The following LRMDA variants were observed in gnomAD, a reference collection of about 807,000 sequenced individuals.
LRMDA encodes leucine-rich melanocyte differentiation-associated protein.
In LRMDA, 18 loss-of-function variants were observed where a neutral mutation model predicts 29.8. That is an observed-to-expected ratio of 0.60 (90% CI 0.42 to 0.90). The LOEUF is 0.90. LRMDA is among the 40% of genes least tolerant of loss of function. The probability of loss-of-function intolerance (pLI) is 0.00; values close to 1 mark genes in which losing one functional copy is unlikely to be tolerated. For missense variants in LRMDA, 273 were observed against 273.9 expected (o/e 1.00, Z 0.02); for synonymous variants, 125 against 109.4 (o/e 1.14, Z -0.89).
chr10:76,290,201 T>C (rs777797241), intron 5 of LRMDA, among the ~76,000 whole-genome samples: 6 of 152,130 alleles, frequency 3.9e-5, no homozygotes, highest in Non-Finnish European at 8.8e-5. Flanking sequence ...TAATGGGCCT[T>C]ATCCTTCAGG....
intron 5 of LRMDA, among the ~76,000 whole-genome samples, chr10:76,158,244 A>G (rs1850578265): frequency 6.6e-6 from 1 of 152,076 alleles, no homozygotes; most frequent in East Asian, 1.9e-4. Context: ...ACCTGCATTT[A>G]TTCTCTTTTC....
chr10:75,517,576 C>T (rs753383462), intron 2 of LRMDA, among the ~76,000 whole-genome samples: 72 of 152,284 alleles, frequency 4.7e-4, no homozygotes, highest in Non-Finnish European at 8.4e-4. Context: ...GCTGAAGTTG[C>T]TTCTCAGCTT....
chr10:75,670,974 T>A (rs541114456), intron 2 of LRMDA, among the ~76,000 whole-genome samples: 1 of 152,248 alleles, frequency 6.6e-6, no homozygotes, highest in East Asian at 1.9e-4. Flanking sequence ...GGAGCTAGAA[T>A]TTGATTCAAA....
At chr10:75,730,202 A>G (rs1842679408) in intron 2 of LRMDA, among the ~76,000 whole-genome samples, 1 of 152,022 alleles carries the variant, frequency 6.6e-6, no homozygotes, top group African/African-American at 2.4e-5. Context: ...AAGCACTGTG[A>G]CCATTCTTGT....
chr10:75,857,780 A>G (rs1273409125), intron 2 of LRMDA, among the ~76,000 whole-genome samples: 3 of 152,202 alleles, frequency 2.0e-5, no homozygotes, highest in East Asian at 1.9e-4. Context: ...GCTGAACACT[A>G]TCCTGGGGTA....
intron 6 of LRMDA, among the ~76,000 whole-genome samples, chr10:76,381,021 C>CTTTTTTT (rs538112084): frequency 2.5e-4 from 24 of 96,910 alleles, no homozygotes; most frequent in East Asian, 1.2e-3. Context: ...TTTATCTTTG[C>CTTTTTTT]TTTTTTTTTT....
chr10:75,532,527 G>A (rs969208346), intron 2 of LRMDA, among the ~76,000 whole-genome samples: 3 of 152,204 alleles, frequency 2.0e-5, no homozygotes, highest in African/African-American at 7.2e-5. Flanking sequence ...CTAGGGGCTG[G>A]AGGTGTATTC....
At chr10:76,514,036 C>T (rs1843035661) in intron 6 of LRMDA, among the ~76,000 whole-genome samples, 1 of 152,182 alleles carries the variant, frequency 6.6e-6, no homozygotes, top group East Asian at 1.9e-4. Flanking sequence ...TCATAAACCA[C>T]AGCTTATGCT....
chr10:76,337,165 T>G (rs1048178745), intron 6 of LRMDA, among the ~76,000 whole-genome samples: 2 of 152,186 alleles, frequency 1.3e-5, no homozygotes, highest in Non-Finnish European at 2.9e-5. Flanking sequence ...TATTAATTCA[T>G]TCAAGAGATA....
chr10:75,807,974 G>C (rs1250600022), intron 2 of LRMDA, among the ~76,000 whole-genome samples: 1 of 152,120 alleles, frequency 6.6e-6, no homozygotes, highest in Non-Finnish European at 1.5e-5. Context: ...GCTCAATTGG[G>C]TTCCTGTTAC....
intron 2 of LRMDA, among the ~76,000 whole-genome samples, chr10:75,717,702 C>T (rs1052946516): frequency 1.3e-5 from 2 of 152,166 alleles, no homozygotes; most frequent in Admixed American, 6.5e-5. Flanking sequence ...TGCTGCCTTC[C>T]TCCCCTTTAA....
intron 6 of LRMDA, among the ~76,000 whole-genome samples, chr10:76,449,234 T>A (rs1842382620): frequency 6.6e-6 from 1 of 151,872 alleles, no homozygotes; most frequent in Admixed American, 6.6e-5. Flanking sequence ...TTTTAATATT[T>A]GTTTAATCTG....
intron 5 of LRMDA, among the ~76,000 whole-genome samples, chr10:76,078,557 T>C (rs1021598052): frequency 6.6e-6 from 1 of 151,972 alleles, no homozygotes; most frequent in African/African-American, 2.4e-5. Context: ...ATTTCAGGGC[T>C]GGGTGCGGTG....
intron 5 of LRMDA, among the ~76,000 whole-genome samples, chr10:76,222,777 A>G (rs1432167207): frequency 6.6e-6 from 1 of 152,228 alleles, no homozygotes; most frequent in Admixed American, 6.5e-5. Context: ...TATATACCCA[A>G]AGGACTATAT....
At chr10:76,281,973 C>T (rs1339849017) in intron 5 of LRMDA, among the ~76,000 whole-genome samples, 2 of 152,202 alleles carry the variant, frequency 1.3e-5, no homozygotes, top group African/African-American at 4.8e-5. Context: ...TGTAAATACA[C>T]CCTTTCTGGG....
intron 2 of LRMDA, among the ~76,000 whole-genome samples, chr10:75,514,164 GT>G (rs3041614): frequency 0.53 from 73,067 of 138,612 alleles, 19,873 homozygotes; most frequent in Non-Finnish European, 0.62. Context: ...TCCTTTACCT[GT>G]TTTTTTTTTT....
At chr10:76,344,661 A>T (rs189571933) in intron 6 of LRMDA, among the ~76,000 whole-genome samples, 1 of 152,268 alleles carries the variant, frequency 6.6e-6, no homozygotes, top group East Asian at 1.9e-4. Flanking sequence ...GTTAATAATT[A>T]AAACAATGTG....
chr10:76,463,642 T>C (rs1842534481), intron 6 of LRMDA, among the ~76,000 whole-genome samples: 1 of 151,828 alleles, frequency 6.6e-6, no homozygotes, highest in South Asian at 2.1e-4. Flanking sequence ...TGTTGGGCGG[T>C]GGCAGGGGAG....
intron 6 of LRMDA, among the ~76,000 whole-genome samples, chr10:76,413,003 T>C (rs1385283377): frequency 6.6e-6 from 1 of 152,086 alleles, no homozygotes; most frequent in Admixed American, 6.5e-5. Flanking sequence ...CTCTTCACAT[T>C]CTTTGCCTTA....
Sources: allele counts gnomAD v4.1 joint callset (sites outside exome capture counted in the v4.1 genomes callset), GRCh38; gene constraint gnomAD v4.1.1; transcripts MANE v1.5; gene names NCBI Gene and HGNC (gene_info 2026-07-23, HGNC 2026-07-21).